Variants in SEC16A observed in about 807,000 individuals in gnomAD.
SEC16A encodes protein transport protein Sec16A.
A neutral mutation model predicts 221.9 loss-of-function variants in SEC16A; 110 were observed. That is an observed-to-expected ratio of 0.50 (90% CI 0.42 to 0.58). SEC16A has a LOEUF of 0.58. Among genes scored for constraint, SEC16A ranks in the 20% least tolerant of loss-of-function variants. SEC16A has a pLI of 0.00. For missense variants in SEC16A, 3,165 were observed against 3,097.8 expected (o/e 1.02, Z -0.52); for synonymous variants, 1,393 against 1,257.7 (o/e 1.11, Z -2.28).
chr9:136,458,315 T>C (rs1279932851), intron 17 of SEC16A, among the ~76,000 whole-genome samples: 1 of 152,042 alleles, frequency 6.6e-6, no homozygotes, highest in African/African-American at 2.4e-5. Context: ...CATCAGAGAA[T>C]ACCGCCCTCA....
In SEC16A at chr9:136,443,769, C is replaced by G. The variant is rs1230742053; in HGVS notation, c.7005+54G>C. The G allele has an allele frequency of 4.6e-6, 6 of 1,316,140 alleles. No homozygotes were observed. The Admixed American group carries it at 1.1e-4, about 24-fold the overall frequency. 81.5% of individuals were successfully genotyped at this position (1,316,140 alleles called of 1,614,324 possible). A position where few individuals can be genotyped will look rare whatever the true frequency, so the allele number is the denominator to read the frequency against. On this transcript the variant is annotated intron_variant, in intron 31 of 31. Coordinates refer to ENST00000684901, the MANE Select transcript of SEC16A (RefSeq NM_014866.2). The stretch of plus-strand genomic sequence containing the variant: ...AGCTGCCATCACTGAGCAGCAGGGT[C>G]AGGTCGTCAGTGGGCGTGTTAGGGT...
chr9:136,481,420 G>A (rs150623956), intron 1 of SEC16A, among the ~76,000 whole-genome samples: 2 of 152,284 alleles, frequency 1.3e-5, no homozygotes, highest in East Asian at 1.9e-4. Context: ...TTACAGGCAT[G>A]AGCCACCGCG....
In SEC16A at chr9:136,474,059, A is replaced by T; in HGVS notation, c.3557T>A (p.Leu1186His). The stretch of plus-strand genomic sequence containing the variant: ...CGACTCGACTCTTACCTGGTAATAG[A>T]GGGAGGCTGCGCCAGGCTCCGGTGG... ...PYPPEPGAAS[L>H]YYQDVYSLYE... is the part of the protein sequence containing the mutation. Residue 1186 changes from leucine (L) to histidine (H), a missense_variant, in exon 3 of 32, where the codon CTC (leucine) becomes CAC (histidine). Leu to His is a moderately conservative substitution (Grantham distance 99). This residue lies in a region of SEC16A where 2,030 missense variants were observed against 1,923.1 expected (regional missense o/e 1.06). Coordinates refer to ENST00000684901, the MANE Select transcript of SEC16A (RefSeq NM_014866.2). 6.2e-7 allele frequency: 1 copy of T among 1,603,508 alleles called. No individual in the cohort carries two copies. The highest frequency in any genetic ancestry group is 8.5e-7 in the Non-Finnish European group (1 of 1,173,730).
intron 1 of SEC16A, among the ~76,000 whole-genome samples, chr9:136,481,859 A>C (rs1193809439): frequency 1.3e-5 from 2 of 152,220 alleles, no homozygotes; most frequent in Non-Finnish European, 2.9e-5. Context: ...CCAGCGACAG[A>C]GGAGGCCAGC....
intron 18 of SEC16A, among the ~76,000 whole-genome samples, chr9:136,456,795 A>G (rs898802780): frequency 2.2e-4 from 34 of 152,228 alleles, no homozygotes; most frequent in Non-Finnish European, 4.4e-5. Flanking sequence ...GGCCTGCAGC[A>G]GTACAGCCAG....
intron 2 of SEC16A, 98 bp from the exon 3 acceptor site, chr9:136,477,782 T>A: frequency 1.6e-6 from 2 of 1,216,552 alleles, no homozygotes; most frequent in Non-Finnish European, 2.2e-6. Flanking sequence ...TTGAACATGA[T>A]TTTATGTCAC....
rs575243492 is a variant in SEC16A at position 136,455,511 on chromosome 9, A to G, written c.5857+90T>C. 2.4e-6 allele frequency: 3 copies of G among 1,244,712 alleles called. No individual in the cohort carries two copies. In the African/African-American group the frequency reaches 4.5e-5, roughly 19 times the overall value. The allele number at this position is 1,244,712 out of a possible 1,614,324, so 77.1% of individuals were successfully genotyped here. A position where few individuals can be genotyped will look rare whatever the true frequency, so the allele number is the denominator to read the frequency against. On this transcript the variant is annotated intron_variant, in intron 20 of 31. Coordinates refer to ENST00000684901, the MANE Select transcript of SEC16A (RefSeq NM_014866.2). ...CCTCCAACAGTCCACATCTGAAAGC[A>G]GTTCTCCAGGAGGCAAGGGTGCAGG...
At chr9:136,479,170 T>C (rs1407884921) in intron 1 of SEC16A, among the ~76,000 whole-genome samples, 1 of 152,236 alleles carries the variant, frequency 6.6e-6, no homozygotes, top group Admixed American at 6.5e-5. Context: ...TAAAACATAG[T>C]AGATACAAAC....
intron 23 of SEC16A, 69 bp downstream of exon 23, chr9:136,451,187 G>A (rs1256837936): frequency 2.7e-6 from 4 of 1,501,860 alleles, no homozygotes; most frequent in Admixed American, 4.0e-5. Context: ...AGAGGATGGC[G>A]CTCTGGGAAG....
At chr9:136,482,241 G>T (rs1842472642) in intron 1 of SEC16A, among the ~76,000 whole-genome samples, 1 of 152,184 alleles carries the variant, frequency 6.6e-6, no homozygotes, top group Non-Finnish European at 1.5e-5. Context: ...CTGCGGTTCC[G>T]TTTGCTTCGT....
At chr9:136,479,175 A>G (rs1190435954) in intron 1 of SEC16A, among the ~76,000 whole-genome samples, 1 of 152,270 alleles carries the variant, frequency 6.6e-6, no homozygotes. Context: ...CATAGTAGAT[A>G]CAAACTTGAA....
Position 136,446,907 on chromosome 9 carries a change from C to T in SEC16A, c.6740G>A (p.Gly2247Glu), listed in dbSNP as rs546048494. The change falls in exon 28 of 32, where the codon GGG becomes GAG. Residue 2247 changes from glycine to glutamate, a missense_variant. This residue lies in a region of SEC16A where 1,088 missense variants were observed against 1,089.6 expected (regional missense o/e 1.00). Coordinates refer to ENST00000684901, the MANE Select transcript of SEC16A (RefSeq NM_014866.2). ...PQLPDGTGRE[G>E]PAAARGLANP... ...GGCCAGGCCCCTAGCTGCTGCAGGC[C>T]CTTCCCTGCCAGTCCCGTCTGGAAG... 9.6e-5 allele frequency: 155 copies of T among 1,613,458 alleles called. 2 individuals carry two copies. In the East Asian group the frequency reaches 2.3e-3, roughly 24 times the overall value.
At chr9:136,444,181 G>T in intron 30 of SEC16A, 1 of 255,470 alleles carries the variant, frequency 3.9e-6, no homozygotes, top group South Asian at 5.7e-5. Flanking sequence ...GTGCGAGGTG[G>T]TGAGGAGGTG....
Position 136,475,107 on chromosome 9 carries a change from A to G in SEC16A, c.2509T>C (p.Tyr837His). The G allele has an allele frequency of 1.2e-6, 2 of 1,613,888 alleles. No individual in the cohort carries two copies. The highest frequency in any genetic ancestry group is 8.5e-7 in the Non-Finnish European group (1 of 1,179,840). The change falls in exon 3 of 32, where the codon TAT becomes CAT. Residue 837 changes from tyrosine (Y) to histidine (H), a missense_variant. By Grantham distance (83) the Tyr-to-His change is moderately conservative (BLOSUM62 2). Around this residue, in one of 3 missense-constraint regions of SEC16A, gnomAD observed 2,030 missense variants for 1,923.1 expected, o/e 1.06. Transcript: ENST00000684901. This position sits in a 1 kb window ranked among gnomAD's most constrained non-coding sequence, Gnocchi z 5.0. The part of the protein sequence containing the change: ...PVLIAQPDHS[Y>H]NLAQPINFSV... Reference sequence around the variant, plus strand: ...AAGTTAATGGGCTGAGCCAGATTATAGCTGTGATCAGGCTGAGCAATCAAG... The same window carrying G: ...AAGTTAATGGGCTGAGCCAGATTATGGCTGTGATCAGGCTGAGCAATCAAG...
In SEC16A at chr9:136,467,081, G is replaced by T. The variant is rs777965887; in HGVS notation, c.3805C>A (p.Pro1269Thr). The T allele has an allele frequency of 2.9e-5, 46 of 1,612,876 alleles. No individual in the cohort carries two copies. Among genetic ancestry groups the T allele is most frequent in the Non-Finnish European group, 3.8e-5 (45 of 1,179,436 alleles). Residue 1269 changes from proline (P) to threonine (T), a missense_variant and splice_region_variant, in exon 6 of 32, where the codon CCA (proline) becomes ACA (threonine). Pro to Thr is a conservative substitution (Grantham distance 38, BLOSUM62 -1). This residue lies in a region of SEC16A where 2,030 missense variants were observed against 1,923.1 expected (regional missense o/e 1.06). Coordinates refer to ENST00000684901, the MANE Select transcript of SEC16A (RefSeq NM_014866.2). Reference protein sequence around the residue: ...YYSSQYDYGDPGHWDRYHYSA... With the variant: ...YYSSQYDYGDTGHWDRYHYSA... ...TAGTGGTAACGATCCCAGTGACCTG[G>T]ATCTGTGAGCAAGGAATTAATGATT...
chr9:136,467,735 G>A (rs1186532815), intron 5 of SEC16A, among the ~76,000 whole-genome samples: 1 of 152,188 alleles, frequency 6.6e-6, no homozygotes, highest in African/African-American at 2.4e-5. Flanking sequence ...TTCTAAAGAT[G>A]TCTTTTCTTT....
intron 8 of SEC16A, among the ~76,000 whole-genome samples, chr9:136,465,587 C>T (rs975253763): frequency 1.3e-5 from 2 of 152,340 alleles, no homozygotes; most frequent in Admixed American, 6.5e-5. Flanking sequence ...GACTGACACG[C>T]GGGACAACTG....
In SEC16A at chr9:136,481,493, G is replaced by A. The variant is rs1166118295; in HGVS notation, c.-192+1445C>T. Among the ~76,000 whole-genome samples the A allele has an allele frequency of 3.3e-5, 5 of 152,192 alleles. No individual in the cohort carries two copies. The South Asian group carries it at 8.3e-4, about 25-fold the overall frequency. ...TCTAATTCTTTTATTGTTCCAAAGA[G>A]GCCAGCTGATCTTGAAAATGCAGTA... On this transcript the variant is annotated intron_variant, in intron 1 of 31. Transcript: ENST00000684901.
chr9:136,447,262 A>G lies in SEC16A; in HGVS notation c.6662T>C (p.Leu2221Pro). Residue 2221 changes from leucine to proline, a missense_variant, in exon 27 of 32, where the codon CTC (leucine) becomes CCC (proline). Coordinates refer to ENST00000684901, the MANE Select transcript of SEC16A (RefSeq NM_014866.2). The surrounding 1 kb of genome is among the most constrained non-coding windows in gnomAD (Gnocchi z 5.5). The stretch of plus-strand genomic sequence containing the variant: ...CACGAACAAGTTAGAAGGAATTGGG[A>G]GTGGCGCGAGTGGAGCGACAAAGTC... ...PADFVAPLAPLPIPSNLFVPT... is the reference protein window; with the variant it reads ...PADFVAPLAPPPIPSNLFVPT... 6.3e-7 allele frequency: 1 copy of G among 1,596,536 alleles called. No individual in the cohort carries two copies.
Sources: gnomAD v4.1 joint callset for allele counts (sites outside exome capture counted in the v4.1 genomes callset) on GRCh38, gnomAD v4.1.1 for gene constraint, gnomAD v4.1.1 regional missense constraint, Gnocchi (gnomAD v3.1) non-coding constraint, MANE v1.5 for transcripts, NCBI Gene and HGNC (gene_info 2026-07-23, HGNC 2026-07-21) for gene names.